Variants in AGPAT3 observed in about 807,000 individuals in gnomAD.
AGPAT3 encodes the protein 1-acyl-sn-glycerol-3-phosphate acyltransferase gamma.
A neutral mutation model predicts 47.3 loss-of-function variants in AGPAT3; 5 were observed. The observed-to-expected ratio is 0.11, with a 90% CI of 0.06 to 0.22. AGPAT3 has a LOEUF of 0.22. Ranked by LOEUF, AGPAT3 falls within the 10% of genes least tolerant of loss-of-function variation. AGPAT3 has a pLI of 1.00. For missense variants in AGPAT3, 315 were observed against 493.0 expected (o/e 0.64, Z 3.42); for synonymous variants, 212 against 208.3 (o/e 1.02, Z -0.15).
At chr21:43,938,102 T>TCACACA (rs2087511099) in intron 2 of AGPAT3, among the ~76,000 whole-genome samples, 2 of 142,464 alleles carry the variant, frequency 1.4e-5, no homozygotes, top group African/African-American at 5.1e-5. Context: ...TCTCTCTCTC[T>TCACACA]CTCACACACA....
chr21:43,963,074 C>G (rs1206517339), intron 3 of AGPAT3, among the ~76,000 whole-genome samples: 1 of 152,100 alleles, frequency 6.6e-6, no homozygotes, highest in East Asian at 1.9e-4. Flanking sequence ...TAAAGCAAAA[C>G]CGTATGGATG....
intron 2 of AGPAT3, among the ~76,000 whole-genome samples, chr21:43,947,316 T>C (rs1285249088): frequency 1.3e-5 from 2 of 152,210 alleles, no homozygotes; most frequent in East Asian, 1.9e-4. Flanking sequence ...TCTTCAGAAG[T>C]GGCCTGGGGG....
chr21:43,903,461 C>T lies in AGPAT3; in HGVS notation c.-111-496C>T, dbSNP rs576924770. On this transcript the variant is annotated intron_variant, in intron 1 of 9. Coordinates refer to ENST00000291572, the MANE Select transcript of AGPAT3 (RefSeq NM_020132.5). Reference sequence around the variant, plus strand: ...CAAACACGGGCTTTTTCCTGGTTGCCGGCAGGCAGGCTAATGGTCTGCTGG... The same window carrying T: ...CAAACACGGGCTTTTTCCTGGTTGCTGGCAGGCAGGCTAATGGTCTGCTGG... 1.8e-4 allele frequency among the ~76,000 whole-genome samples: 28 copies of T among 152,306 alleles called. No individual in the cohort carries two copies. In the South Asian group the frequency reaches 5.2e-3, roughly 28 times the overall value.
chr21:43,982,055 G>A lies in AGPAT3; in HGVS notation c.1043-249G>A, dbSNP rs2089872087. ...AGACCCAGAGGGGCAGGCAGGGCAA[G>A]GTCCACGTGTCCACCTGCCTCGGAC... On this transcript the variant is annotated intron_variant, in intron 9 of 9. Coordinates refer to ENST00000291572, the MANE Select transcript of AGPAT3 (RefSeq NM_020132.5). This position sits in a 1 kb window ranked among gnomAD's most constrained non-coding sequence, Gnocchi z 6.2. Among the ~76,000 whole-genome samples, 1 of 152,250 alleles carries A rather than the reference G, an allele frequency of 6.6e-6. No individual in the cohort carries two copies. Among genetic ancestry groups the A allele is most frequent in the South Asian group, 2.1e-4 (1 of 4,836 alleles).
intron 7 of AGPAT3, among the ~76,000 whole-genome samples, chr21:43,973,954 G>A (rs1297851454): frequency 6.6e-6 from 1 of 152,130 alleles, no homozygotes; most frequent in Non-Finnish European, 1.5e-5. Flanking sequence ...AAAAAAAATA[G>A]AATTTTTATT....
Position 43,939,930 on chromosome 21 carries a change from G to A in AGPAT3, c.-48-19704G>A, listed in dbSNP as rs117032179. On this transcript the variant is annotated intron_variant, in intron 2 of 9. Transcript: ENST00000291572. The surrounding 1 kb of genome is among the most constrained non-coding windows in gnomAD (Gnocchi z 4.4). ...TTATTGGATTAGCCGGTGCCCCGACGGCAGAGCCCGCAGCTGTGCGCAGGA... is the reference window on the plus strand; with the variant it reads ...TTATTGGATTAGCCGGTGCCCCGACAGCAGAGCCCGCAGCTGTGCGCAGGA... 2.5e-3 allele frequency among the ~76,000 whole-genome samples: 378 copies of A among 152,346 alleles called. 2 individuals carry two copies. Among genetic ancestry groups the A allele is most frequent in the Non-Finnish European group, 3.9e-3 (264 of 68,024 alleles).
At chr21:43,953,649 C>T (rs952629389) in intron 2 of AGPAT3, among the ~76,000 whole-genome samples, 1 of 152,144 alleles carries the variant, frequency 6.6e-6, no homozygotes, top group Non-Finnish European at 1.5e-5. Flanking sequence ...GCAAGTGGAA[C>T]GAAGCCAGCT....
At chr21:43,911,086 C>T (rs1291243779) in intron 2 of AGPAT3, among the ~76,000 whole-genome samples, 1 of 152,212 alleles carries the variant, frequency 6.6e-6, no homozygotes, top group African/African-American at 2.4e-5. Flanking sequence ...CACATAAGAA[C>T]ATACATACAC....
At chr21:43,968,448 G>A (rs906158540) in intron 4 of AGPAT3, among the ~76,000 whole-genome samples, 1 of 151,644 alleles carries the variant, frequency 6.6e-6, no homozygotes, top group African/African-American at 2.4e-5. Context: ...GGCCCTGGGT[G>A]GGGGAGGTAC....
At chr21:43,940,732 A>G (rs1329270538) in intron 2 of AGPAT3, among the ~76,000 whole-genome samples, 2 of 152,238 alleles carry the variant, frequency 1.3e-5, no homozygotes, top group Non-Finnish European at 2.9e-5. Flanking sequence ...CTGAGCAGAA[A>G]ATGCGTAGTT....
intron 1 of AGPAT3, among the ~76,000 whole-genome samples, chr21:43,879,347 C>CAAAA: frequency 1.4e-5 from 1 of 71,670 alleles, no homozygotes; most frequent in Non-Finnish European, 2.7e-5. Context: ...GACTCTATCT[C>CAAAA]AAAAAAAAAA....
At chr21:43,971,020 A>G (rs1156317033) in intron 6 of AGPAT3, among the ~76,000 whole-genome samples, 1 of 152,244 alleles carries the variant, frequency 6.6e-6, no homozygotes, top group African/African-American at 2.4e-5. Flanking sequence ...AATAATAAAA[A>G]ATACATAATG....
intron 3 of AGPAT3, chr21:43,967,569 A>G (rs1278440314): frequency 5.1e-6 from 1 of 195,366 alleles, no homozygotes; most frequent in Non-Finnish European, 1.1e-5. Flanking sequence ...CTGCAGACAT[A>G]CGATGGTTGT....
intron 2 of AGPAT3, chr21:43,950,838 G>A (rs1192213841): frequency 6.6e-6 from 1 of 152,296 alleles, no homozygotes; most frequent in Non-Finnish European, 1.5e-5. Context: ...TAAAGCGGGA[G>A]GAAGGAGGAC....
intron 1 of AGPAT3, among the ~76,000 whole-genome samples, chr21:43,892,584 G>T (rs577865308): frequency 3.9e-5 from 6 of 152,324 alleles, no homozygotes; most frequent in Non-Finnish European, 1.5e-5. Context: ...TAGAGCACAG[G>T]CAAAAGTAGA....
At chr21:43,951,552 C>G (rs2088192139) in intron 2 of AGPAT3, among the ~76,000 whole-genome samples, 1 of 152,332 alleles carries the variant, frequency 6.6e-6, no homozygotes, top group East Asian at 1.9e-4. Flanking sequence ...GACCCAAGGA[C>G]AGCAGGTCCC....
At chr21:43,919,632 C>G (rs2086843152) in intron 2 of AGPAT3, among the ~76,000 whole-genome samples, 1 of 152,232 alleles carries the variant, frequency 6.6e-6, no homozygotes, top group Non-Finnish European at 1.5e-5. Flanking sequence ...CTCATGGCTT[C>G]TTTTCCTCTG....
chr21:43,952,590 G>C lies in AGPAT3; in HGVS notation c.-48-7044G>C, dbSNP rs2088252195. 6.6e-6 allele frequency among the ~76,000 whole-genome samples: 1 copy of C among 152,208 alleles called. No individual in the cohort carries two copies. Among genetic ancestry groups the C allele is most frequent in the Non-Finnish European group, 1.5e-5 (1 of 68,024 alleles). On this transcript the variant is annotated intron_variant, in intron 2 of 9. Transcript: ENST00000291572. The surrounding 1 kb of genome is among the most constrained non-coding windows in gnomAD (Gnocchi z 5.6). ...GTGCAGGGGCCAGGACAAAACCCAAGAAGCAGCCATCACGCCCCAGGACCA... is the reference window on the plus strand; with the variant it reads ...GTGCAGGGGCCAGGACAAAACCCAACAAGCAGCCATCACGCCCCAGGACCA...
chr21:43,928,648 A>G (rs1452538093), intron 2 of AGPAT3, among the ~76,000 whole-genome samples: 1 of 152,238 alleles, frequency 6.6e-6, no homozygotes, highest in Non-Finnish European at 1.5e-5. Context: ...TAATTGTTCC[A>G]ACAGATTTCA....
Sources: allele counts gnomAD v4.1 joint callset (sites outside exome capture counted in the v4.1 genomes callset), GRCh38; gene constraint gnomAD v4.1.1; non-coding constraint Gnocchi (gnomAD v3.1); transcripts MANE v1.5; gene names NCBI Gene and HGNC (gene_info 2026-07-23, HGNC 2026-07-21).